The following CHEK1 variants were observed in gnomAD, a reference collection of about 807,000 sequenced individuals.
CHEK1 encodes the protein checkpoint kinase 1.
Under a neutral mutation model 60.2 loss-of-function variants are expected in CHEK1, and 32 were observed. The observed-to-expected ratio is 0.53, with a 90% CI of 0.40 to 0.71. CHEK1 has a LOEUF of 0.71. CHEK1 is among the 30% of genes least tolerant of loss of function. The pLI is 0.00. For missense variants in CHEK1, 399 were observed against 564.6 expected, an observed-to-expected ratio of 0.71 and a Z score of 2.97; for synonymous variants, 179 against 187.2, an observed-to-expected ratio of 0.96 and a Z score of 0.36.
At chr11:125,639,382 CTTTTTT>C (rs367756024) in intron 8 of CHEK1, among the ~76,000 whole-genome samples, 6 of 106,376 alleles carry the variant, frequency 5.6e-5, no homozygotes, top group African/African-American at 7.5e-5. Flanking sequence ...ATACTTTTCT[CTTTTTT>C]TTTTTTTTTT....
intron 5 of CHEK1, among the ~76,000 whole-genome samples, chr11:125,632,627 TA>T (rs1199998619): frequency 2.0e-5 from 3 of 152,308 alleles, no homozygotes; most frequent in Non-Finnish European, 4.4e-5. Flanking sequence ...GGTCTTCTGA[TA>T]TTTTTTTTTT....
At chr11:125,646,673 A>G (rs747978981) in intron 11 of CHEK1, among the ~76,000 whole-genome samples, 3 of 152,110 alleles carry the variant, frequency 2.0e-5, no homozygotes, top group Admixed American at 6.5e-5. Flanking sequence ...CCTAGTGTGT[A>G]TGAAGTCTTA....
chr11:125,625,733 A>C lies in CHEK1; in HGVS notation c.-300A>C. ...AGCCTCACACCGGATGCCACTTCAT[A>C]TTTGGGCCCAGAGCTCAATTCGCGC... On this transcript the variant is annotated 5_prime_UTR_variant, in exon 1 of 13. Coordinates refer to ENST00000438015, the MANE Select transcript of CHEK1 (RefSeq NM_001114122.3). 1 of 667,572 alleles carries C rather than the reference A, an allele frequency of 1.5e-6. No homozygotes were observed. Among genetic ancestry groups the C allele is most frequent in the East Asian group, 2.7e-5 (1 of 36,656 alleles). The allele number at this position is 667,572 out of a possible 1,614,324, so 41.4% of individuals were successfully genotyped here. A position where few individuals can be genotyped will look rare whatever the true frequency, so the allele number is the denominator to read the frequency against.
downstream of CHEK1, among the ~76,000 whole-genome samples, chr11:125,679,216 C>CTT (rs71045115): frequency 1.3e-4 from 16 of 121,038 alleles, 1 homozygote; most frequent in African/African-American, 3.2e-4. Flanking sequence ...CCGTCTCTTT[C>CTT]TTTTTTTTTT....
chr11:125,645,540 C>CA (rs1941470260), intron 11 of CHEK1, among the ~76,000 whole-genome samples: 2 of 152,120 alleles, frequency 1.3e-5, no homozygotes, highest in Admixed American at 6.5e-5. Context: ...TTGAAAAAAA[C>CA]TATAACGGAC....
At chr11:125,633,387 A>G in intron 6 of CHEK1, 36 bp downstream of exon 6, 1 of 1,452,814 alleles carries the variant, frequency 6.9e-7, no homozygotes, top group Admixed American at 2.6e-5. Flanking sequence ...ACTCCTATAA[A>G]AAGTCAGATT....
chr11:125,629,627 G>A (rs999871138), intron 5 of CHEK1, among the ~76,000 whole-genome samples, 167 bp downstream of exon 5: 2 of 152,102 alleles, frequency 1.3e-5, no homozygotes, highest in African/African-American at 2.4e-5. Flanking sequence ...TGGAGACTTC[G>A]TATATTTGGA....
At chr11:125,637,200 A>G (rs1941103425) in intron 7 of CHEK1, among the ~76,000 whole-genome samples, 1 of 152,232 alleles carries the variant, frequency 6.6e-6, no homozygotes, top group South Asian at 2.1e-4. Flanking sequence ...GAGGAGAAAC[A>G]TTTCCATCTG....
At chr11:125,651,069 A>T (rs1941709497) in intron 11 of CHEK1, among the ~76,000 whole-genome samples, 1 of 151,982 alleles carries the variant, frequency 6.6e-6, no homozygotes, top group South Asian at 2.1e-4. Flanking sequence ...TCCCAGGTAT[A>T]TGTTGGACCT....
chr11:125,634,635 G>A lies in CHEK1; in HGVS notation c.614-794G>A, dbSNP rs547628246. 1.4e-3 allele frequency among the ~76,000 whole-genome samples: 207 copies of A among 148,162 alleles called. 2 individuals are homozygous for A. The Middle Eastern group carries it at 0.017, about 12-fold the overall frequency. On this transcript the variant is annotated intron_variant, in intron 6 of 12. Transcript: ENST00000438015. ...GCCCTATAAAGATACAATATTGTCC[G>A]GGCACACAAGCCCTTATTAGACATT...
At chr11:125,639,625 G>C (rs1243087986) in intron 8 of CHEK1, among the ~76,000 whole-genome samples, 1 of 152,020 alleles carries the variant, frequency 6.6e-6, no homozygotes, top group Non-Finnish European at 1.5e-5. Context: ...CCCTGCCTCA[G>C]CCTCCCAAAG....
chr11:125,626,325 T>C (rs1940601591), intron 1 of CHEK1: 1 of 460,740 alleles, frequency 2.2e-6, no homozygotes, highest in Non-Finnish European at 3.9e-6. Flanking sequence ...TGGATGGGGA[T>C]GGGAATTGGA....
downstream of CHEK1, among the ~76,000 whole-genome samples, chr11:125,678,978 T>TTAGATATATATATATATATATATATA (rs1942654367): frequency 1.1e-5 from 1 of 88,434 alleles, no homozygotes; most frequent in African/African-American, 4.3e-5. Flanking sequence ...TCTAGGCATA[T>TTAGATATATATATATATATATATATA]TATATATATA....
downstream of CHEK1, chr11:125,677,996 C>T (rs1565396728): frequency 1.2e-6 from 2 of 1,613,622 alleles, no homozygotes; most frequent in East Asian, 4.5e-5. Flanking sequence ...CACCTGAAGG[C>T]TGTTCTCCTG....
In CHEK1 at chr11:125,655,493, A is replaced by G; in HGVS notation, c.*173A>G. 2.1e-6 allele frequency: 1 copy of G among 482,764 alleles called. No homozygotes were observed. The highest frequency in any genetic ancestry group is 3.6e-6 in the Non-Finnish European group (1 of 275,196). 29.9% of individuals were successfully genotyped at this position (482,764 alleles called of 1,614,324 possible). A position where few individuals can be genotyped will look rare whatever the true frequency, so the allele number is the denominator to read the frequency against. On this transcript the variant is annotated 3_prime_UTR_variant, in exon 13 of 13. Coordinates refer to ENST00000438015, the MANE Select transcript of CHEK1 (RefSeq NM_001114122.3). ...TATTTTGTTTGTTCGGCATACAAAT[A>G]ATACCTATATCTTAATTGTAAGCAA...
chr11:125,678,251 T>C, downstream of CHEK1: 1 of 1,614,182 alleles, frequency 6.2e-7, no homozygotes, highest in Non-Finnish European at 8.5e-7. Flanking sequence ...GAACTGAAGT[T>C]TGATGATCTA....
At chr11:125,640,529 G>C (rs1287607932) in intron 8 of CHEK1, among the ~76,000 whole-genome samples, 1 of 145,984 alleles carries the variant, frequency 6.9e-6, no homozygotes, top group African/African-American at 2.5e-5. Flanking sequence ...GCAACAGCGA[G>C]ACTCCGTCTC....
chr11:125,626,819 A>G lies in CHEK1; in HGVS notation c.51A>G (p.Glu17=), dbSNP rs780466731. The part of the protein sequence containing the change: ...EDWDLVQTLG[E]GAYGEVQLAV... ...GGGACTTGGTGCAAACCCTGGGAGA[A>G]GGTGCCTATGGAGAGTGAGTTCTTT... Residue 17 remains glutamate (E), a synonymous_variant, in exon 2 of 13, where the codon GAA becomes GAG. Coordinates refer to ENST00000438015, the MANE Select transcript of CHEK1 (RefSeq NM_001114122.3). 6.2e-7 allele frequency: 1 copy of G among 1,614,104 alleles called. No homozygotes were observed. Among genetic ancestry groups the G allele is most frequent in the Non-Finnish European group, 8.5e-7 (1 of 1,180,024 alleles).
At chr11:125,639,138 C>T (rs1261122737) in intron 8 of CHEK1, among the ~76,000 whole-genome samples, 1 of 152,062 alleles carries the variant, frequency 6.6e-6, no homozygotes, top group Non-Finnish European at 1.5e-5. Flanking sequence ...CTTCTCTCTT[C>T]ATCATACTTA....
Sources: allele counts gnomAD v4.1 joint callset (sites outside exome capture counted in the v4.1 genomes callset), GRCh38; gene constraint gnomAD v4.1.1; transcripts MANE v1.5; gene names NCBI Gene and HGNC (gene_info 2026-07-23, HGNC 2026-07-21).